Variants in S100A5 observed in about 807,000 individuals in gnomAD.
S100A5 encodes S100 calcium binding protein A5, also known as protein S100-A5.
In S100A5, 5 loss-of-function variants were observed where a neutral mutation model predicts 6.7. That is an observed-to-expected ratio of 0.75 (90% CI 0.39 to 1.57). The LOEUF is 1.57. Ranked by LOEUF, S100A5 falls within the 40% of genes most tolerant of loss-of-function variation. The probability of loss-of-function intolerance (pLI) is 0.03; values close to 1 mark genes in which losing one functional copy is unlikely to be tolerated. For synonymous variants in S100A5, 49 were observed against 44.9 expected, an observed-to-expected ratio of 1.09 and a Z score of -0.37; for missense variants, 129 against 110.8, an observed-to-expected ratio of 1.16 and a Z score of -0.74.
upstream of S100A5, chr1:153,541,961 A>T: frequency 1.1e-6 from 1 of 915,296 alleles, no homozygotes; most frequent in Non-Finnish European, 1.3e-6. Flanking sequence ...GGGCTTTTAA[A>T]TGAACGATTT....
At chr1:153,543,369 G>A (rs867652000), upstream of S100A5, 5 of 843,934 alleles carry the variant, frequency 5.9e-6, no homozygotes, top group African/African-American at 9.2e-5. Context: ...GGCTGGCTGA[G>A]ATCCCACAGC....
At chr1:153,541,575 C>T (rs776181561), upstream of S100A5, 12 of 1,236,054 alleles carry the variant, frequency 9.7e-6, no homozygotes, top group African/African-American at 3.1e-5. Context: ...ACCCCTTCTG[C>T]CAATCTCACC....
intron 2 of S100A5, among the ~76,000 whole-genome samples, chr1:153,539,252 C>T (rs1314101793): frequency 6.6e-6 from 1 of 150,878 alleles, no homozygotes; most frequent in Non-Finnish European, 1.5e-5. Flanking sequence ...ATGGTGAAAC[C>T]CCCATCTCTA....
At chr1:153,543,110 TG>T, upstream of S100A5, 1 of 508,382 alleles carries the variant, frequency 2.0e-6, no homozygotes, top group Non-Finnish European at 2.5e-6. Context: ...GCCAATGATC[TG>T]GAAGTGGGTG....
intron 1 of S100A5, 62 bp downstream of exon 1, chr1:153,540,559 C>CCTGGTTTTCCA (rs1665353721): frequency 5.4e-6 from 1 of 185,294 alleles, no homozygotes; most frequent in African/African-American, 2.4e-5. Flanking sequence ...TCTGCTTCTT[C>CCTGGTTTTCCA]CAGCTTAGGA....
At position 153,537,407 on chromosome 1, in the gene S100A5, C is replaced by G; in HGVS notation, c.168G>C (p.Met56Ile). The G allele has an allele frequency of 1.9e-6, 3 of 1,614,174 alleles. No homozygotes were observed. The highest frequency in any genetic ancestry group is 2.5e-6 in the Non-Finnish European group (3 of 1,180,016). The change falls in exon 3 of 3, where the codon ATG becomes ATC. Residue 56 changes from methionine (M) to isoleucine (I), a missense_variant. By Grantham distance (10) the Met-to-Ile change is conservative. Coordinates refer to ENST00000368717, the MANE Select transcript of S100A5 (RefSeq NM_001394232.1). ...GGTCGCTGTTCTTGTCCAGGCTCTT[C>G]ATCAAGTCATCGATGCTGCTCTCCT... ...EMKESSIDDL[M>I]KSLDKNSDQE...
rs748886273 is a variant in S100A5, at chr1:153,537,275, G to A, written c.*21C>T. On this transcript the variant is annotated 3_prime_UTR_variant, in exon 3 of 3. Coordinates refer to ENST00000368717, the MANE Select transcript of S100A5 (RefSeq NM_001394232.1). ...AGGTCAGCAGCAAAGGGTGGAGGGT[G>A]AGGGTGGAGGGCAGCCCTGGTCACT... 3 of 1,606,808 alleles carry A rather than the reference G, an allele frequency of 1.9e-6. No individual in the cohort carries two copies. Among genetic ancestry groups the A allele is most frequent in the Non-Finnish European group, 1.7e-6 (2 of 1,174,112 alleles).
At position 153,537,350 on chromosome 1, in the gene S100A5, G is replaced by A; in HGVS notation, c.225C>T (p.Phe75=). The change falls in exon 3 of 3, where the codon TTC becomes TTT. Residue 75 remains phenylalanine, a synonymous_variant. Transcript: ENST00000368717. ...TGTAGGCCATGCACAGCATGGTCAG[G>A]AACACCGAGTACTCCTTGAAGTCGA... ...QEIDFKEYSV[F]LTMLCMAYND... 1 of 1,614,162 alleles carries A rather than the reference G, an allele frequency of 6.2e-7. No individual in the cohort carries two copies. Among genetic ancestry groups the A allele is most frequent in the Non-Finnish European group, 8.5e-7 (1 of 1,180,020 alleles).
At chr1:153,542,067 G>T (rs1436855838), upstream of S100A5, among the ~76,000 whole-genome samples, 5 of 152,216 alleles carry the variant, frequency 3.3e-5, no homozygotes, top group Non-Finnish European at 7.3e-5. Flanking sequence ...CCAGCGAAGG[G>T]CTAAGGCCCA....
chr1:153,541,917 G>T (rs112957911), upstream of S100A5: 338 of 984,800 alleles, frequency 3.4e-4, 1 homozygote, highest in African/African-American at 5.7e-3. Flanking sequence ...TATGGTCAAG[G>T]TCATGAGCTA....
At chr1:153,539,761 A>G (rs896451416) in intron 2 of S100A5, among the ~76,000 whole-genome samples, 7 of 152,110 alleles carry the variant, frequency 4.6e-5, no homozygotes, top group African/African-American at 1.7e-4. Context: ...CCCCTAGCAC[A>G]GGTTCTGCCA....
intron 2 of S100A5, among the ~76,000 whole-genome samples, chr1:153,539,473 A>ATGTT (rs1553214733): frequency 8.7e-6 from 1 of 115,174 alleles, no homozygotes; most frequent in Admixed American, 8.8e-5. Context: ...ATATATATAT[A>ATGTT]TATTTATTTA....
chr1:153,543,158 G>T, upstream of S100A5: 1 of 930,636 alleles, frequency 1.1e-6, no homozygotes, highest in Non-Finnish European at 1.3e-6. Flanking sequence ...TCAGCACTGA[G>T]TGCCAGCCCT....
intron 1 of S100A5, 37 bp from the exon 2 acceptor site, chr1:153,540,242 A>G: frequency 6.2e-7 from 1 of 1,609,994 alleles, no homozygotes; most frequent in Non-Finnish European, 8.5e-7. Flanking sequence ...TTCCTCAGGA[A>G]GTCACCACCA....
In S100A5 at chr1:153,540,312, T is replaced by G. The variant is rs1331300022; in HGVS notation, c.-14-107A>C. 4 of 1,185,562 alleles carry G rather than the reference T, an allele frequency of 3.4e-6. No homozygotes were observed. In the South Asian group the frequency reaches 5.7e-5, roughly 17 times the overall value. The allele number at this position is 1,185,562 out of a possible 1,614,324, so 73.4% of individuals were successfully genotyped here. A position where few individuals can be genotyped will look rare whatever the true frequency, so the allele number is the denominator to read the frequency against. On this transcript the variant is annotated intron_variant, in intron 1 of 2. Coordinates refer to ENST00000368717, the MANE Select transcript of S100A5 (RefSeq NM_001394232.1). ...AAGAACAAGAGACTGGAACCCAGGA[T>G]GAGACTGAAATCCACTAACAAGAGC...
At chr1:153,539,935 G>T in intron 2 of S100A5, 119 bp downstream of exon 2, 1 of 1,195,216 alleles carries the variant, frequency 8.4e-7, no homozygotes. Context: ...CTTTGTCTCT[G>T]TCTGTAGCCC....
At chr1:153,543,134 C>T (rs1377402165), upstream of S100A5, 3 of 750,128 alleles carry the variant, frequency 4.0e-6, no homozygotes, top group African/African-American at 5.7e-5. Context: ...AGGACAGGGC[C>T]TGGACTGTCA....
At chr1:153,542,279 AC>A (rs781249548), upstream of S100A5, among the ~76,000 whole-genome samples, 11 of 151,986 alleles carry the variant, frequency 7.2e-5, no homozygotes, top group Non-Finnish European at 1.3e-4. Flanking sequence ...CTGCAGTCCC[AC>A]CCCAGCCTGG....
At chr1:153,537,610 C>A (rs1314255791) in intron 2 of S100A5, among the ~76,000 whole-genome samples, 174 bp from the exon 3 acceptor site, 1 of 152,118 alleles carries the variant, frequency 6.6e-6, no homozygotes, top group Non-Finnish European at 1.5e-5. Context: ...TAGGGAAGGG[C>A]CTGGCATGAG....
Sources: allele counts gnomAD v4.1 joint callset (sites outside exome capture counted in the v4.1 genomes callset), GRCh38; gene constraint gnomAD v4.1.1; transcripts MANE v1.5; gene names NCBI Gene and HGNC (gene_info 2026-07-23, HGNC 2026-07-21).